Variants in SMARCA1 observed in about 807,000 individuals in gnomAD.
The protein encoded by SMARCA1 is SNF2 related chromatin remodeling ATPase 1, also known as SWI/SNF-related matrix-associated actin-dependent regulator of chromatin subfamily A member 1.
Under a neutral mutation model 93.6 loss-of-function variants are expected in SMARCA1, and 17 were observed. That is an observed-to-expected ratio of 0.18 (90% confidence interval 0.12 to 0.27). The LOEUF (loss-of-function observed/expected upper bound fraction) is 0.27, where lower values mean the gene tolerates loss of function less well. Among genes scored for constraint, SMARCA1 ranks in the 10% least tolerant of loss-of-function variants. SMARCA1 has a pLI of 1.00. For missense variants in SMARCA1, 630 were observed against 819.0 expected, an observed-to-expected ratio of 0.77 and a Z score of 2.82; for synonymous variants, 271 against 271.4, an observed-to-expected ratio of 1.00 and a Z score of 0.01.
At chrX:129,459,689 A>C (rs1932771413) in intron 23 of SMARCA1, among the ~76,000 whole-genome samples, 2 of 112,277 alleles carry the variant, frequency 1.8e-5, no homozygotes, top group African/African-American at 6.5e-5. Context: ...GAAAAGTAAA[A>C]TGAACTCCAA....
intron 16 of SMARCA1, among the ~76,000 whole-genome samples, chrX:129,488,062 C>T (rs1330069274): frequency 9.0e-6 from 1 of 110,755 alleles, no homozygotes; most frequent in Non-Finnish European, 1.9e-5. Context: ...TTGTTAGAAA[C>T]AGGTGATAAG....
At chrX:129,470,349 T>A (rs5930343) in intron 20 of SMARCA1, among the ~76,000 whole-genome samples, 25,685 of 109,484 alleles carry the variant, frequency 0.23, 2,778 homozygotes, top group African/African-American at 0.4. Context: ...TTTGTTCAAA[T>A]GGAAACCTTC....
Position 129,508,203 on chromosome X carries a change from C to A in SMARCA1, c.811-107G>T, listed in dbSNP as rs1934894948. On this transcript the variant is annotated intron_variant, in intron 6 of 24. Transcript: ENST00000371121. ...AGAAAATATTAAGAATTCTAAGAGA[C>A]CCTGAGGATCATTTAGTTTCATCCA... 1.4e-5 allele frequency: 7 copies of A among 495,689 alleles called. No homozygotes were observed. In the South Asian group the frequency reaches 4.7e-4, roughly 33 times the overall value. The allele number at this position is 495,689 out of a possible 1,213,427, so 40.9% of individuals were successfully genotyped here.
intron 11 of SMARCA1, 59 bp downstream of exon 11, chrX:129,497,786 T>G: frequency 1.3e-6 from 1 of 741,155 alleles, no homozygotes; most frequent in Middle Eastern, 3.4e-4. Flanking sequence ...AAAATTTTAT[T>G]TATATACAAG....
chrX:129,469,141 T>C (rs1418036893), intron 20 of SMARCA1, among the ~76,000 whole-genome samples: 1 of 112,036 alleles, frequency 8.9e-6, no homozygotes, highest in East Asian at 2.8e-4. Flanking sequence ...AGATCTGTAG[T>C]TTTTAATTTC....
At chrX:129,517,658 AT>A (rs1381144912) in intron 2 of SMARCA1, among the ~76,000 whole-genome samples, 7 of 111,181 alleles carry the variant, frequency 6.3e-5, no homozygotes, top group African/African-American at 1.6e-4. Flanking sequence ...ACTTATTTTT[AT>A]AATATTACTG....
intron 15 of SMARCA1, among the ~76,000 whole-genome samples, chrX:129,489,699 T>C (rs1035835264): frequency 2.7e-5 from 3 of 111,421 alleles, no homozygotes; most frequent in African/African-American, 9.8e-5. Context: ...CTGGGACTAC[T>C]GGTGCACGCC....
At chrX:129,471,583 G>A (rs1214998358) in intron 19 of SMARCA1, among the ~76,000 whole-genome samples, 1 of 111,417 alleles carries the variant, frequency 9.0e-6, no homozygotes, top group East Asian at 2.8e-4. Context: ...TTATACCCTG[G>A]AACAAAGTCT....
chrX:129,492,205 C>T, intron 13 of SMARCA1, 112 bp from the exon 14 acceptor site: 1 of 455,443 alleles, frequency 2.2e-6, no homozygotes, highest in Non-Finnish European at 3.8e-6. Context: ...AAAATCTTCA[C>T]ACACTTTATA....
chrX:129,473,594 A>C (rs923800359), intron 19 of SMARCA1, among the ~76,000 whole-genome samples: 2 of 112,438 alleles, frequency 1.8e-5, no homozygotes, highest in African/African-American at 6.5e-5. Flanking sequence ...ACTGTGGCCT[A>C]TCCATACAAT....
chrX:129,448,346 G>C lies in SMARCA1; in HGVS notation c.3128C>G (p.Thr1043Ser), dbSNP rs143905690. The change falls in exon 24 of 25, where the codon ACT becomes AGT. Residue 1043 changes from threonine (T) to serine (S), a missense_variant. Physicochemically the swap from Thr to Ser is moderately conservative, Grantham distance 58. Transcript: ENST00000371121. ...TGAAAATTTTACCATTGGAGTTTTA[G>C]TTGCCCGTTTCTTCTTTTCTGCTCT... Reference protein sequence around the residue: ...RERAEKKKRATKTPMSQKRKA... With the variant: ...RERAEKKKRASKTPMSQKRKA... 1.7e-6 allele frequency: 2 copies of C among 1,205,240 alleles called. No homozygotes were observed. Among genetic ancestry groups the C allele is most frequent in the Non-Finnish European group, 2.2e-6 (2 of 890,775 alleles).
intron 2 of SMARCA1, among the ~76,000 whole-genome samples, chrX:129,517,185 T>C (rs1043855313): frequency 1.4e-4 from 16 of 111,473 alleles, no homozygotes; most frequent in African/African-American, 4.5e-4. Flanking sequence ...ATATGTGAAA[T>C]AGTTTATTAA....
rs1569446049 is a variant in SMARCA1 at position 129,504,562 on chromosome X, A to AC, written c.1167+171_1167+172insG. On this transcript the variant is annotated intron_variant, in intron 9 of 24. Coordinates refer to ENST00000371121, the MANE Select transcript of SMARCA1 (RefSeq NM_001282874.2). ...GACATAGAGGAATAAAAAAAAAAAA[A>AC]AAAAAAAAAAAAAAAAAAACAAAGA... Among the ~76,000 whole-genome samples the AC allele has an allele frequency of 1.1e-3, 107 of 96,111 alleles. 1 individual carries two copies. Among genetic ancestry groups the AC allele is most frequent in the African/African-American group, 4.5e-3 (105 of 23,334 alleles). 83.5% of individuals were successfully genotyped at this position (96,111 alleles called of 115,157 possible). A position where few individuals can be genotyped will look rare whatever the true frequency, so the allele number is the denominator to read the frequency against.
At chrX:129,457,833 A>G (rs1297369188) in intron 23 of SMARCA1, among the ~76,000 whole-genome samples, 1 of 111,918 alleles carries the variant, frequency 8.9e-6, no homozygotes, top group Admixed American at 9.5e-5. Context: ...AATCTTTCAC[A>G]TGTTTCAAGG....
At chrX:129,457,091 A>G (rs1281682943) in intron 23 of SMARCA1, among the ~76,000 whole-genome samples, 2 of 111,707 alleles carry the variant, frequency 1.8e-5, no homozygotes, top group South Asian at 3.8e-4. Context: ...AGCCACCCCA[A>G]CCTTCAGCAA....
chrX:129,516,119 CAGT>C, intron 3 of SMARCA1, 125 bp from the exon 4 acceptor site: 1 of 603,157 alleles, frequency 1.7e-6, no homozygotes, highest in Non-Finnish European at 2.6e-6. Context: ...GCTTAGAAAT[CAGT>C]AGAACCAGCC....
At chrX:129,506,689 C>CAAAAA (rs1484081895) in intron 7 of SMARCA1, among the ~76,000 whole-genome samples, 3 of 46,530 alleles carry the variant, frequency 6.4e-5, no homozygotes, top group East Asian at 2.1e-3. Context: ...AACTCCGTCT[C>CAAAAA]AAAAAAAAAA....
intron 19 of SMARCA1, among the ~76,000 whole-genome samples, chrX:129,474,743 T>C (rs894730633): frequency 6.3e-5 from 7 of 111,799 alleles, no homozygotes; most frequent in Non-Finnish European, 9.4e-5. Flanking sequence ...CCTCCTGATA[T>C]GGTTTGGCTG....
chrX:129,469,528 T>C (rs1276474911), intron 20 of SMARCA1, among the ~76,000 whole-genome samples: 1 of 112,065 alleles, frequency 8.9e-6, no homozygotes, highest in Non-Finnish European at 1.9e-5. Flanking sequence ...GTCTGTGAAG[T>C]CACAAGACCA....
Sources: gnomAD v4.1 joint callset for allele counts (sites outside exome capture counted in the v4.1 genomes callset) on GRCh38, gnomAD v4.1.1 for gene constraint, MANE v1.5 for transcripts, NCBI Gene and HGNC (gene_info 2026-07-23, HGNC 2026-07-21) for gene names.